ARHGAP18: variants seen among roughly 807,000 people sequenced by gnomAD.
ARHGAP18 encodes the protein rho GTPase-activating protein 18.
ARHGAP18 carries 67 observed loss-of-function variants against 86.2 expected under a neutral mutation model. The ratio of observed to expected loss-of-function variants is 0.78; its 90% CI spans 0.64 to 0.95. ARHGAP18 has a LOEUF of 0.95. ARHGAP18 is among the 40% of genes least tolerant of loss of function. ARHGAP18 has a pLI of 0.00. For missense variants in ARHGAP18, 691 were observed against 780.4 expected (o/e 0.89, Z 1.37); for synonymous variants, 283 against 280.4 (o/e 1.01, Z -0.09).
intron 7 of ARHGAP18, among the ~76,000 whole-genome samples, chr6:129,613,032 G>C (rs1000852155): frequency 2.6e-5 from 4 of 152,130 alleles, no homozygotes; most frequent in Admixed American, 2.0e-4. Context: ...AGGAGATCGA[G>C]ACCATCCTTG....
chr6:129,663,533 A>C (rs992662880), intron 1 of ARHGAP18, among the ~76,000 whole-genome samples: 2 of 152,192 alleles, frequency 1.3e-5, no homozygotes, highest in Non-Finnish European at 2.9e-5. Context: ...GCCCAGTAAC[A>C]TCCAGGTAGT....
At chr6:129,647,092 A>G (rs1773595464) in intron 1 of ARHGAP18, among the ~76,000 whole-genome samples, 1 of 152,128 alleles carries the variant, frequency 6.6e-6, no homozygotes, top group African/African-American at 2.4e-5. Flanking sequence ...ATTCCAATAT[A>G]TCCATATTTA....
chr6:129,627,289 T>C (rs887246072), intron 5 of ARHGAP18, among the ~76,000 whole-genome samples: 1 of 152,024 alleles, frequency 6.6e-6, no homozygotes, highest in Non-Finnish European at 1.5e-5. Flanking sequence ...AATATCCAAA[T>C]TAATAAATAA....
At chr6:129,639,606 C>G (rs980428358) in intron 2 of ARHGAP18, among the ~76,000 whole-genome samples, 3 of 152,162 alleles carry the variant, frequency 2.0e-5, no homozygotes, top group African/African-American at 7.2e-5. Context: ...TGGTATAGCA[C>G]CTAGTCCTAC....
chr6:129,634,085 C>A lies in ARHGAP18; in HGVS notation c.573G>T (p.Ser191=). 1 of 1,613,198 alleles carries A rather than the reference C, an allele frequency of 6.2e-7. No individual in the cohort carries two copies. Among genetic ancestry groups the A allele is most frequent in the Non-Finnish European group, 8.5e-7 (1 of 1,179,762 alleles). Residue 191 remains serine, a synonymous_variant, in exon 4 of 15, where the codon TCG becomes TCT. Coordinates refer to ENST00000368149, the MANE Select transcript of ARHGAP18 (RefSeq NM_033515.3). ...SKETAPGGTE[S]QSLRTNENKY... is the part of the protein sequence containing the mutation. ...TGTTTTCATTTGTTCTAAGTGACTG[C>A]GATTCAGTGCCACCTGGAGCCTAAA...
chr6:129,611,576 G>A lies in ARHGAP18; in HGVS notation c.1079C>T (p.Thr360Ile), dbSNP rs1788980951. The change falls in exon 8 of 15, where the codon ACA (threonine) becomes ATA (isoleucine). Residue 360 changes from threonine (T) to isoleucine (I), a missense_variant. By Grantham distance (89) the Thr-to-Ile change is moderately conservative. Coordinates refer to ENST00000368149, the MANE Select transcript of ARHGAP18 (RefSeq NM_033515.3). The part of the protein sequence containing the change: ...ISRIEERGLE[T>I]EGLLRIPGAA... ...TCCAGGGATCCGTAAGAGGCCTTCT[G>A]TTTCCAAACCTCTCTCTTCAATTCG... The A allele has an allele frequency of 6.2e-7, 1 of 1,613,648 alleles. No homozygotes were observed. Among genetic ancestry groups the A allele is most frequent in the African/African-American group, 1.3e-5 (1 of 74,892 alleles).
At chr6:129,675,768 A>T in intron 1 of ARHGAP18, among the ~76,000 whole-genome samples, 1 of 152,220 alleles carries the variant, frequency 6.6e-6, no homozygotes, top group Non-Finnish European at 1.5e-5. Flanking sequence ...GATGCAGGTA[A>T]TAAATTCCCC....
At chr6:129,620,407 G>A in intron 5 of ARHGAP18, among the ~76,000 whole-genome samples, 1 of 152,190 alleles carries the variant, frequency 6.6e-6, no homozygotes, top group East Asian at 1.9e-4. Flanking sequence ...TGAATAAAGT[G>A]GGACTAAGAT....
At chr6:129,609,288 A>T (rs1008261190) in intron 8 of ARHGAP18, among the ~76,000 whole-genome samples, 5 of 152,210 alleles carry the variant, frequency 3.3e-5, no homozygotes, top group African/African-American at 1.2e-4. Flanking sequence ...ATAATGGACC[A>T]GCTGCTGCAT....
intron 8 of ARHGAP18, among the ~76,000 whole-genome samples, chr6:129,608,339 T>C (rs1788901876): frequency 6.6e-6 from 1 of 152,130 alleles, no homozygotes; most frequent in South Asian, 2.1e-4. Context: ...AAAGTTTTAA[T>C]TAAGAGACTG....
chr6:129,599,288 G>C lies in ARHGAP18; in HGVS notation c.1641C>G (p.Ala547=). The C allele has an allele frequency of 1.3e-6, 2 of 1,593,788 alleles. No individual in the cohort carries two copies. The highest frequency in any genetic ancestry group is 1.7e-6 in the Non-Finnish European group (2 of 1,172,352). Residue 547 remains alanine (A), a synonymous_variant, in exon 12 of 15, where the codon GCC becomes GCG. Transcript: ENST00000368149. Reference sequence around the variant, plus strand: ...CCATTTTCTTCAGCAATTTCTTCATGGCTCTTTTATCCTTTTTATGATTTT... The same window carrying C: ...CCATTTTCTTCAGCAATTTCTTCATCGCTCTTTTATCCTTTTTATGATTTT... The part of the protein sequence containing the change: ...NTENHKKDKR[A]MKKLLKKMAY...
intron 5 of ARHGAP18, among the ~76,000 whole-genome samples, chr6:129,626,696 C>G (rs996750266): frequency 1.5e-5 from 2 of 131,468 alleles, no homozygotes; most frequent in African/African-American, 2.8e-5. Context: ...CACACACACA[C>G]ACAGACAAAT....
At chr6:129,682,675 T>C (rs1053851400) in intron 1 of ARHGAP18, among the ~76,000 whole-genome samples, 1 of 152,240 alleles carries the variant, frequency 6.6e-6, no homozygotes, top group African/African-American at 2.4e-5. Flanking sequence ...AAACATTTAT[T>C]GACTGTCCAC....
intron 1 of ARHGAP18, among the ~76,000 whole-genome samples, chr6:129,653,856 A>G (rs1400885503): frequency 6.6e-6 from 1 of 151,350 alleles, no homozygotes; most frequent in Non-Finnish European, 1.5e-5. Flanking sequence ...CAGCCTGGGC[A>G]ACATAGTGAG....
In ARHGAP18 at chr6:129,693,732, A is replaced by T. The variant is rs548086263; in HGVS notation, c.113+16292T>A. Among the ~76,000 whole-genome samples, 3 of 152,184 alleles carry T rather than the reference A, an allele frequency of 2.0e-5. No individual in the cohort carries two copies. The South Asian group carries it at 6.2e-4, about 32-fold the overall frequency. ...GAGGTTCAAACCAAAGCTGATCTAC[A>T]TACAGGTCATGTCATCTGGGACCAG... is the stretch of plus-strand genomic sequence containing the variant. On this transcript the variant is annotated intron_variant, in intron 1 of 14. Coordinates refer to ENST00000368149, the MANE Select transcript of ARHGAP18 (RefSeq NM_033515.3).
At position 129,629,496 on chromosome 6, in the gene ARHGAP18, C is replaced by G. The variant is rs1456981382; in HGVS notation, c.643G>C (p.Glu215Gln). The change falls in exon 5 of 15, where the codon GAG becomes CAG. Residue 215 changes from glutamate (E) to glutamine (Q), a missense_variant. Transcript: ENST00000368149. ...GTCTCCTCAGGTGGGATCAGCTTCT[C>G]TTCACCAACAAGGTTAGATGCCTCG... ...DDEASNLVGE[E>Q]KLIPPEETPA... 1.9e-6 allele frequency: 3 copies of G among 1,613,260 alleles called. No individual in the cohort carries two copies. Among genetic ancestry groups the G allele is most frequent in the Non-Finnish European group, 2.5e-6 (3 of 1,179,664 alleles).
intron 4 of ARHGAP18, among the ~76,000 whole-genome samples, chr6:129,630,048 G>A (rs1344841899): frequency 6.6e-6 from 1 of 152,112 alleles, no homozygotes; most frequent in African/African-American, 2.4e-5. Context: ...TCCAAAACAA[G>A]AGTTAGTGCC....
intron 1 of ARHGAP18, among the ~76,000 whole-genome samples, chr6:129,692,881 G>T (rs1014378335): frequency 2.0e-5 from 3 of 152,152 alleles, no homozygotes; most frequent in Non-Finnish European, 4.4e-5. Context: ...CACATGCTAT[G>T]AAAAAGATCC....
chr6:129,652,917 T>C (rs1399366875), intron 1 of ARHGAP18, among the ~76,000 whole-genome samples: 1 of 152,248 alleles, frequency 6.6e-6, no homozygotes, highest in Admixed American at 6.5e-5. Context: ...TGGTTTTCCT[T>C]ATTTCCTATA....
Sources: allele counts gnomAD v4.1 joint callset (sites outside exome capture counted in the v4.1 genomes callset), GRCh38; gene constraint gnomAD v4.1.1; transcripts MANE v1.5; gene names NCBI Gene and HGNC (gene_info 2026-07-23, HGNC 2026-07-21).